The following CCDC178 variants were observed in gnomAD, a reference collection of about 807,000 sequenced individuals.
CCDC178 encodes the protein coiled-coil domain-containing protein 178.
Under a neutral mutation model 117.4 loss-of-function variants are expected in CCDC178, and 126 were observed. That is an observed-to-expected ratio of 1.07 (90% confidence interval 0.93 to 1.24). The LOEUF (loss-of-function observed/expected upper bound fraction) is 1.24, where lower values mean the gene tolerates loss of function less well. Ranked by LOEUF, CCDC178 falls within the 50% of genes most tolerant of loss-of-function variation. CCDC178 has a pLI of 0.00. For missense variants in CCDC178, 1,030 were observed against 986.9 expected, an observed-to-expected ratio of 1.04 and a Z score of -0.59; for synonymous variants, 283 against 313.4, an observed-to-expected ratio of 0.90 and a Z score of 1.02.
intron 2 of CCDC178, among the ~76,000 whole-genome samples, chr18:33,421,194 CA>C (rs2064019730): frequency 6.6e-6 from 1 of 152,062 alleles, no homozygotes; most frequent in South Asian, 2.1e-4. Flanking sequence ...TAGAGTGGCC[CA>C]AATAAAGTAA....
intron 21 of CCDC178, among the ~76,000 whole-genome samples, chr18:32,982,922 A>G (rs546840506): frequency 6.6e-6 from 1 of 152,088 alleles, no homozygotes; most frequent in Non-Finnish European, 1.5e-5. Context: ...AAACCCATAG[A>G]ATGTACAACA....
At chr18:33,013,560 T>C (rs183070393) in intron 21 of CCDC178, among the ~76,000 whole-genome samples, 1 of 152,316 alleles carries the variant, frequency 6.6e-6, no homozygotes, top group East Asian at 1.9e-4. Flanking sequence ...TATGATTTAT[T>C]TTTATATTTA....
chr18:33,297,274 A>T (rs1377359157), intron 11 of CCDC178, among the ~76,000 whole-genome samples: 3 of 152,238 alleles, frequency 2.0e-5, no homozygotes, highest in Middle Eastern at 3.4e-3. Flanking sequence ...CACTGCAAGG[A>T]CCTAGAAAAG....
At chr18:33,365,453 C>A (rs961436473) in intron 6 of CCDC178, among the ~76,000 whole-genome samples, 9 of 152,042 alleles carry the variant, frequency 5.9e-5, no homozygotes, top group African/African-American at 2.2e-4. Context: ...GACATTAGAT[C>A]TCGGGAGAAA....
chr18:33,336,420 T>A (rs2144641892), intron 9 of CCDC178, among the ~76,000 whole-genome samples: 1 of 152,236 alleles, frequency 6.6e-6, no homozygotes, highest in East Asian at 1.9e-4. Context: ...TTCCAGAAAT[T>A]TCCATTCCAA....
At chr18:33,319,837 C>G (rs1324904716) in intron 11 of CCDC178, among the ~76,000 whole-genome samples, 3 of 152,160 alleles carry the variant, frequency 2.0e-5, no homozygotes, top group Non-Finnish European at 4.4e-5. Context: ...TAAATGTCTT[C>G]TTTTGAGAAG....
At chr18:33,185,832 T>C (rs775514922) in intron 20 of CCDC178, among the ~76,000 whole-genome samples, 16 of 152,044 alleles carry the variant, frequency 1.1e-4, no homozygotes, top group Non-Finnish European at 2.1e-4. Context: ...AAAATGCCTA[T>C]GGGTCAGTAG....
At chr18:33,430,938 G>C (rs1490561813) in intron 2 of CCDC178, among the ~76,000 whole-genome samples, 1 of 151,972 alleles carries the variant, frequency 6.6e-6, no homozygotes, top group African/African-American at 2.4e-5. Context: ...AGCCGGGCGC[G>C]GTGGTGGGCC....
intron 21 of CCDC178, among the ~76,000 whole-genome samples, chr18:32,981,320 C>T (rs566038544): frequency 6.6e-6 from 1 of 151,972 alleles, no homozygotes. Flanking sequence ...ATGGTAAACA[C>T]AAAAGGTTAA....
intron 14 of CCDC178, among the ~76,000 whole-genome samples, chr18:33,251,853 G>T (rs1288752991): frequency 6.6e-6 from 1 of 151,710 alleles, no homozygotes; most frequent in African/African-American, 2.4e-5. Flanking sequence ...ACATTCAGCT[G>T]CTAGGAAAAG....
chr18:33,016,619 G>C (rs1388530079), intron 21 of CCDC178, among the ~76,000 whole-genome samples: 1 of 151,830 alleles, frequency 6.6e-6, no homozygotes, highest in Non-Finnish European at 1.5e-5. Flanking sequence ...CAGTAACAGA[G>C]AAAAAAGGGA....
intron 2 of CCDC178, among the ~76,000 whole-genome samples, chr18:33,424,296 A>C (rs2064081532): frequency 1.3e-5 from 2 of 152,228 alleles, no homozygotes; most frequent in Non-Finnish European, 2.9e-5. Flanking sequence ...TAATCTATAG[A>C]ATATTTGAAA....
In CCDC178 at chr18:33,365,281, A is replaced by C. The variant is rs75681704; in HGVS notation, c.348+4769T>G. ...TTAAAAAATAGATATGAAGTGGTATAAAAAGAGCCAAGTTTTCCAATGAGA... is the reference window on the plus strand; with the variant it reads ...TTAAAAAATAGATATGAAGTGGTATCAAAAGAGCCAAGTTTTCCAATGAGA... On this transcript the variant is annotated intron_variant, in intron 6 of 22. Transcript: ENST00000383096. Among the ~76,000 whole-genome samples the C allele has an allele frequency of 5.3e-5, 8 of 152,224 alleles. No homozygotes were observed. In the East Asian group the frequency reaches 1.6e-3, roughly 30 times the overall value.
chr18:33,271,467 A>G (rs963991813), intron 12 of CCDC178, among the ~76,000 whole-genome samples: 2 of 151,602 alleles, frequency 1.3e-5, no homozygotes, highest in Non-Finnish European at 3.0e-5. Context: ...TTAGAGCTGA[A>G]GTGGCTAGAT....
At position 33,391,595 on chromosome 18, in the gene CCDC178, G is replaced by A. The variant is rs551290587; in HGVS notation, c.119-1966C>T. Among the ~76,000 whole-genome samples the A allele has an allele frequency of 5.3e-5, 8 of 152,194 alleles. No individual in the cohort carries two copies. The East Asian group carries it at 1.5e-3, about 29-fold the overall frequency. ...CACTATATAACTAATCTACTGTACA[G>A]TTAGAAATTTGTCACATAAAGTTAA... On this transcript the variant is annotated intron_variant, in intron 4 of 22. Transcript: ENST00000383096.
At chr18:33,213,788 T>TA (rs936097614) in intron 19 of CCDC178, among the ~76,000 whole-genome samples, 6 of 152,030 alleles carry the variant, frequency 3.9e-5, no homozygotes, top group African/African-American at 1.4e-4. Flanking sequence ...TTATAAAAAT[T>TA]AAATGAGGGT....
intron 21 of CCDC178, among the ~76,000 whole-genome samples, chr18:33,003,316 A>G (rs542503869): frequency 6.6e-6 from 1 of 152,308 alleles, no homozygotes; most frequent in South Asian, 2.1e-4. Flanking sequence ...GTTCAACAAT[A>G]TATTAAAAGG....
intron 20 of CCDC178, among the ~76,000 whole-genome samples, chr18:33,207,591 C>T (rs1256919793): frequency 6.6e-6 from 1 of 150,666 alleles, no homozygotes; most frequent in Non-Finnish European, 1.5e-5. Context: ...GGTATTAGCA[C>T]AACTATATAA....
chr18:32,941,539 T>C (rs1319261670), intron 22 of CCDC178, among the ~76,000 whole-genome samples: 1 of 152,158 alleles, frequency 6.6e-6, no homozygotes, highest in African/African-American at 2.4e-5. Context: ...TTATTACTTT[T>C]CATCAAGAAA....
Sources: gnomAD v4.1 joint callset for allele counts (sites outside exome capture counted in the v4.1 genomes callset) on GRCh38, gnomAD v4.1.1 for gene constraint, MANE v1.5 for transcripts, NCBI Gene and HGNC (gene_info 2026-07-23, HGNC 2026-07-21) for gene names.